Variants in LAMA3 observed in about 807,000 individuals in gnomAD.
LAMA3 encodes laminin subunit alpha 3, also known as laminin subunit alpha-3.
Under a neutral mutation model 402.0 loss-of-function variants are expected in LAMA3, and 281 were observed. The ratio of observed to expected loss-of-function variants is 0.70; its 90% confidence interval spans 0.63 to 0.77. The LOEUF is 0.77. Ranked by LOEUF, LAMA3 falls within the 30% of genes least tolerant of loss-of-function variation. The pLI is 0.00. For synonymous variants in LAMA3, 1,431 were observed against 1,558.4 expected (o/e 0.92, Z 1.93); for missense variants, 3,840 against 4,215.5 (o/e 0.91, Z 2.47).
At position 23,943,756 on chromosome 18, in the gene LAMA3, C is replaced by G. The variant is rs369021640; in HGVS notation, c.9027-32C>G. ...AGATTCGAAGGAACGCTGAACACCT[C>G]TATTTCCCTTCATCGCCGATGTTCC... On this transcript the variant is annotated intron_variant, in intron 68 of 74. Coordinates refer to ENST00000313654, the MANE Select transcript of LAMA3 (RefSeq NM_198129.4). 17 of 1,609,150 alleles carry G rather than the reference C, an allele frequency of 1.1e-5. No homozygotes were observed. In the African/African-American group the frequency reaches 2.3e-4, roughly 22 times the overall value.
In LAMA3 at chr18:23,920,938, C is replaced by A; in HGVS notation, c.7927C>A (p.Arg2643Ser). The change falls in exon 61 of 75, where the codon CGC becomes AGC. Residue 2643 changes from arginine (R) to serine (S), a missense_variant. Arg to Ser is a moderately radical substitution (Grantham distance 110). This residue lies in a region of LAMA3 where 840 missense variants were observed against 981.9 expected (regional missense o/e 0.86). Coordinates refer to ENST00000313654, the MANE Select transcript of LAMA3 (RefSeq NM_198129.4). ...GLLFFAENGD[R>S]FISLNIEDGK... is the part of the protein sequence containing the mutation. ...CTGCATTGTTCCTCTGTCCTAGGAT[C>A]GCTTCATATCTCTAAATATAGAAGA... The A allele has an allele frequency of 6.2e-7, 1 of 1,613,862 alleles. No individual in the cohort carries two copies. The highest frequency in any genetic ancestry group is 1.1e-5 in the South Asian group (1 of 91,060).
chr18:23,933,692 T>A (rs1568362316), intron 66 of LAMA3, 90 bp from the exon 67 acceptor site: 1 of 1,415,392 alleles, frequency 7.1e-7, no homozygotes, highest in Non-Finnish European at 9.9e-7. Flanking sequence ...CCCCAAAACA[T>A]GTACTTTTTG....
chr18:23,944,653 AG>A (rs1166587045), intron 69 of LAMA3, among the ~76,000 whole-genome samples: 1 of 152,172 alleles, frequency 6.6e-6, no homozygotes, highest in Non-Finnish European at 1.5e-5. Context: ...AGTTATGGGG[AG>A]GGGGTTCCAG....
chr18:23,689,918 G>A lies in LAMA3; in HGVS notation c.235G>A (p.Glu79Lys), dbSNP rs1380128098. 1.8e-5 allele frequency: 27 copies of A among 1,532,416 alleles called. No individual in the cohort carries two copies. The highest frequency in any genetic ancestry group is 2.2e-5 in the Non-Finnish European group (25 of 1,139,834). The allele number at this position is 1,532,416 out of a possible 1,614,324, so 94.9% of individuals were successfully genotyped here. A position where few individuals can be genotyped will look rare whatever the true frequency, so the allele number is the denominator to read the frequency against. The change falls in exon 1 of 75, where the codon GAG (glutamate) becomes AAG (lysine). Residue 79 changes from glutamate (E) to lysine (K), a missense_variant. This residue lies in a region of LAMA3 where 2,109 missense variants were observed against 2,376.0 expected (regional missense o/e 0.89). Transcript: ENST00000313654. The stretch of plus-strand genomic sequence containing the variant: ...ACCCGGCGAGGGGAGGCCCCAGCCC[G>A]AGCTCTACTGCAAGTTGGTCGGGGG... ...RGPGEGRPQP[E>K]LYCKLVGGPT...
chr18:23,698,209 T>TC (rs2060720059), intron 1 of LAMA3, among the ~76,000 whole-genome samples: 1 of 142,332 alleles, frequency 7.0e-6, no homozygotes, highest in Non-Finnish European at 1.5e-5. Context: ...CTTCTTTTTT[T>TC]TTTTTTTTTT....
chr18:23,787,004 G>A (rs555194503), intron 12 of LAMA3, among the ~76,000 whole-genome samples: 89 of 152,270 alleles, frequency 5.8e-4, no homozygotes, highest in Admixed American at 1.9e-3. Context: ...TAAACAGGCC[G>A]GGGGCAGTGG....
At position 23,689,645 on chromosome 18, in the gene LAMA3, T is replaced by A. The variant is rs2060539342; in HGVS notation, c.-39T>A. The A allele has an allele frequency of 2.4e-6, 3 of 1,259,136 alleles. No homozygotes were observed. Among genetic ancestry groups the A allele is most frequent in the South Asian group, 6.3e-5 (2 of 31,940 alleles). 78.0% of individuals were successfully genotyped at this position (1,259,136 alleles called of 1,614,324 possible). On this transcript the variant is annotated 5_prime_UTR_variant, in exon 1 of 75. Transcript: ENST00000313654. ...GAGAGCGGCGGTGCCCCCGAGCCCC[T>A]CTGCGGACGGCTCAGGCGGGAGGAC... is the stretch of plus-strand genomic sequence containing the variant.
Position 23,854,780 on chromosome 18 carries a change from G to A in LAMA3, c.4137-3064G>A, listed in dbSNP as rs142251359. Among the ~76,000 whole-genome samples the A allele has an allele frequency of 9.5e-3, 1,435 of 151,766 alleles. 19 individuals are homozygous for A. Among genetic ancestry groups the A allele is most frequent in the African/African-American group, 0.033 (1,366 of 41,374 alleles). On this transcript the variant is annotated intron_variant, in intron 32 of 74. Coordinates refer to ENST00000313654, the MANE Select transcript of LAMA3 (RefSeq NM_198129.4). The stretch of plus-strand genomic sequence containing the variant: ...AGGCGGATCACGAGGTCTGGAGATC[G>A]AGACCATCCTGGCTAACACGATGAA...
intron 12 of LAMA3, among the ~76,000 whole-genome samples, chr18:23,808,267 T>A (rs2063001812): frequency 6.6e-6 from 1 of 152,122 alleles, no homozygotes; most frequent in Admixed American, 6.6e-5. Flanking sequence ...ACTACACACA[T>A]CCTCCTATAT....
At chr18:23,950,253 A>T in intron 72 of LAMA3, 94 bp downstream of exon 72, 1 of 1,419,844 alleles carries the variant, frequency 7.0e-7, no homozygotes, top group Admixed American at 1.8e-5. Flanking sequence ...AGAGAATGGG[A>T]TCCAATCTTG....
chr18:23,706,150 T>C (rs2060885833), intron 1 of LAMA3, among the ~76,000 whole-genome samples: 1 of 152,218 alleles, frequency 6.6e-6, no homozygotes, highest in Non-Finnish European at 1.5e-5. Flanking sequence ...TCATTGTATA[T>C]ATTCATTTAC....
chr18:23,945,850 T>A (rs1354372383), intron 69 of LAMA3, among the ~76,000 whole-genome samples: 3 of 152,206 alleles, frequency 2.0e-5, no homozygotes, highest in African/African-American at 7.2e-5. Flanking sequence ...TGCCTTGAAC[T>A]GTTTCTCTTT....
intron 74 of LAMA3, among the ~76,000 whole-genome samples, chr18:23,953,712 C>T (rs1023221422): frequency 1.3e-5 from 2 of 152,120 alleles, no homozygotes; most frequent in Non-Finnish European, 1.5e-5. Context: ...AGTAAAGAGT[C>T]AGGAAAAGGG....
chr18:23,882,035 C>G lies in LAMA3; in HGVS notation c.5212C>G (p.His1738Asp). 1 of 1,611,570 alleles carries G rather than the reference C, an allele frequency of 6.2e-7. No individual in the cohort carries two copies. Among genetic ancestry groups the G allele is most frequent in the South Asian group, 1.1e-5 (1 of 90,990 alleles). The change falls in exon 40 of 75, where the codon CAC (histidine) becomes GAC (aspartate). Residue 1738 changes from histidine to aspartate, a missense_variant. Physicochemically the swap from His to Asp is moderately conservative, Grantham distance 81. This residue lies in a region of LAMA3 where 2,109 missense variants were observed against 2,376.0 expected (regional missense o/e 0.89). Coordinates refer to ENST00000313654, the MANE Select transcript of LAMA3 (RefSeq NM_198129.4). Reference sequence around the variant, plus strand: ...ATCCTGCAGGGCCTGCCCATGTCCTCACACTAACAGGTACCGTAGCAGCTT... The same window carrying G: ...ATCCTGCAGGGCCTGCCCATGTCCTGACACTAACAGGTACCGTAGCAGCTT... ...HGSCRACPCP[H>D]TNSFATGCVV...
chr18:23,839,872 C>G lies in LAMA3; in HGVS notation c.3279C>G (p.Pro1093=). 1 of 1,614,178 alleles carries G rather than the reference C, an allele frequency of 6.2e-7. No homozygotes were observed. Among genetic ancestry groups the G allele is most frequent in the Non-Finnish European group, 8.5e-7 (1 of 1,180,012 alleles). ...GTGGCAGGCCTTTCCCTCACCTGCC[C>G]CAGCAGTCGTCACCTTCTGTTGATG... ...VLSGRPFPHL[P]QQSSPSVDVL... Residue 1093 remains proline, a synonymous_variant, in exon 27 of 75, where the codon CCC becomes CCG. Coordinates refer to ENST00000313654, the MANE Select transcript of LAMA3 (RefSeq NM_198129.4). This position sits in a 1 kb window ranked among gnomAD's most constrained non-coding sequence, Gnocchi z 4.5.
chr18:23,922,595 T>G (rs183105540), intron 62 of LAMA3, among the ~76,000 whole-genome samples: 9 of 152,326 alleles, frequency 5.9e-5, no homozygotes, highest in East Asian at 1.9e-4. Flanking sequence ...GAAGGAGCCT[T>G]GCAGATCATG....
In LAMA3 at chr18:23,845,120, C is replaced by T. The variant is rs141660344; in HGVS notation, c.3715C>T (p.Leu1239Phe). The change falls in exon 30 of 75, where the codon CTT (leucine) becomes TTT (phenylalanine). Residue 1239 changes from leucine to phenylalanine, a missense_variant. By Grantham distance (22) the Leu-to-Phe change is conservative. This residue lies in a region of LAMA3 where 2,109 missense variants were observed against 2,376.0 expected (regional missense o/e 0.89). Coordinates refer to ENST00000313654, the MANE Select transcript of LAMA3 (RefSeq NM_198129.4). ...CAATTGTGGAAAAAACAGCTTTTAC[C>T]TTGAGTGAGTATCACTTTGTGGGAA... ...ITNCGKNSFY[L>F]DPQTASRFCK... The T allele has an allele frequency of 6.4e-7, 1 of 1,554,754 alleles. No homozygotes were observed. The highest frequency in any genetic ancestry group is 1.4e-5 in the African/African-American group (1 of 73,848).
intron 12 of LAMA3, among the ~76,000 whole-genome samples, chr18:23,797,762 C>T (rs1217002109): frequency 6.6e-6 from 1 of 151,986 alleles, no homozygotes; most frequent in Non-Finnish European, 1.5e-5. Context: ...ATTTTAAAAC[C>T]CTTCTAAGCT....
chr18:23,852,716 T>A (rs1292336553), intron 32 of LAMA3, among the ~76,000 whole-genome samples: 1 of 152,224 alleles, frequency 6.6e-6, no homozygotes, highest in Non-Finnish European at 1.5e-5. Context: ...GAACTTTCCT[T>A]AATTCCCCAT....
Sources: allele counts gnomAD v4.1 joint callset (sites outside exome capture counted in the v4.1 genomes callset), GRCh38; gene constraint gnomAD v4.1.1; regional missense constraint gnomAD v4.1.1; non-coding constraint Gnocchi (gnomAD v3.1); transcripts MANE v1.5; gene names NCBI Gene and HGNC (gene_info 2026-07-23, HGNC 2026-07-21).